The following CAMK4 variants were observed in gnomAD, a reference collection of about 807,000 sequenced individuals.
CAMK4 encodes calcium/calmodulin-dependent protein kinase type IV.
Under a neutral mutation model 44.9 loss-of-function variants are expected in CAMK4, and 22 were observed. The observed-to-expected ratio is 0.49, with a 90% confidence interval of 0.35 to 0.70. CAMK4 has a LOEUF of 0.70. Among genes scored for constraint, CAMK4 ranks in the 30% least tolerant of loss-of-function variants. The probability of loss-of-function intolerance (pLI) is 0.01; values close to 1 mark genes in which losing one functional copy is unlikely to be tolerated. For synonymous variants in CAMK4, 218 were observed against 215.4 expected, an observed-to-expected ratio of 1.01 and a Z score of -0.11; for missense variants, 498 against 586.8, an observed-to-expected ratio of 0.85 and a Z score of 1.56.
At chr5:111,414,693 A>G (rs2112902694) in intron 5 of CAMK4, among the ~76,000 whole-genome samples, 1 of 152,358 alleles carries the variant, frequency 6.6e-6, no homozygotes, top group East Asian at 1.9e-4. Flanking sequence ...TCAAATAAAA[A>G]GTATTTTAAA....
chr5:111,365,604 GC>G, intron 2 of CAMK4, among the ~76,000 whole-genome samples: 1 of 152,168 alleles, frequency 6.6e-6, no homozygotes, highest in South Asian at 2.1e-4. Flanking sequence ...TTTCAAAGGA[GC>G]TGGGATTTTG....
intron 1 of CAMK4, among the ~76,000 whole-genome samples, chr5:111,309,587 C>T (rs1321551340): frequency 2.0e-5 from 3 of 152,116 alleles, no homozygotes; most frequent in Non-Finnish European, 2.9e-5. Flanking sequence ...CATTTTACTG[C>T]CTGCTTAGTC....
At chr5:111,458,253 G>T (rs964253840) in intron 7 of CAMK4, among the ~76,000 whole-genome samples, 5 of 152,212 alleles carry the variant, frequency 3.3e-5, no homozygotes, top group African/African-American at 1.2e-4. Flanking sequence ...AGGGTGGCGA[G>T]GAAGGGTCAT....
intron 1 of CAMK4, among the ~76,000 whole-genome samples, chr5:111,334,714 C>G (rs1161891899): frequency 6.6e-6 from 1 of 151,476 alleles, no homozygotes; most frequent in African/African-American, 2.4e-5. Flanking sequence ...TAAATCACAG[C>G]TTTGCTTTTA....
chr5:111,259,391 T>G (rs1749883668), intron 1 of CAMK4, among the ~76,000 whole-genome samples: 1 of 152,184 alleles, frequency 6.6e-6, no homozygotes, highest in East Asian at 1.9e-4. Context: ...GTAATTTGAT[T>G]TGAAGTATAG....
chr5:111,339,841 T>C (rs910269505), intron 1 of CAMK4, among the ~76,000 whole-genome samples: 3 of 151,382 alleles, frequency 2.0e-5, no homozygotes, highest in African/African-American at 7.3e-5. Flanking sequence ...CAATATTAAT[T>C]CTTTCAATCC....
rs938331774 is a variant in CAMK4, at chr5:111,486,003, A to G, written c.*1537A>G. ...TTTTCAGAGACCAAATAAAGACAATAAAAATGACTATCACATAAAAATCCT... is the reference window on the plus strand; with the variant it reads ...TTTTCAGAGACCAAATAAAGACAATGAAAATGACTATCACATAAAAATCCT... On this transcript the variant is annotated 3_prime_UTR_variant, in exon 11 of 11. Transcript: ENST00000282356. 1 of 152,240 alleles carries G rather than the reference A, an allele frequency of 6.6e-6. No individual in the cohort carries two copies. Among genetic ancestry groups the G allele is most frequent in the African/African-American group, 2.4e-5 (1 of 41,470 alleles). The allele number at this position is 152,240 out of a possible 1,614,324, so 9.4% of individuals were successfully genotyped here.
chr5:111,338,504 A>G (rs1749504292), intron 1 of CAMK4, among the ~76,000 whole-genome samples: 1 of 151,224 alleles, frequency 6.6e-6, no homozygotes, highest in South Asian at 2.1e-4. Flanking sequence ...TTTTTGTTGC[A>G]ACTTCTTTTG....
intron 7 of CAMK4, among the ~76,000 whole-genome samples, chr5:111,465,441 A>G (rs187546045): frequency 5.1e-4 from 77 of 152,298 alleles, no homozygotes; most frequent in Non-Finnish European, 7.8e-4. Context: ...ATAATAATTA[A>G]AAAAGATAAC....
At chr5:111,419,297 T>A (rs1461753098) in intron 5 of CAMK4, among the ~76,000 whole-genome samples, 1 of 152,232 alleles carries the variant, frequency 6.6e-6, no homozygotes, top group Non-Finnish European at 1.5e-5. Flanking sequence ...GTTGTTTGTT[T>A]TTTTCTTGTA....
In CAMK4 at chr5:111,459,391, C is replaced by G. The variant is rs377156494; in HGVS notation, c.625+10188C>G. ...CTTGGTTTGGGAGTGTTCACAAAAG[C>G]TGATTGACTCATCACTCAGGATCCA... On this transcript the variant is annotated intron_variant, in intron 7 of 10. Coordinates refer to ENST00000282356, the MANE Select transcript of CAMK4 (RefSeq NM_001744.6). Among the ~76,000 whole-genome samples, 31 of 152,224 alleles carry G rather than the reference C, an allele frequency of 2.0e-4. No individual in the cohort carries two copies. The South Asian group carries it at 6.0e-3, about 30-fold the overall frequency.
chr5:111,327,313 C>A (rs1201840310), intron 1 of CAMK4, among the ~76,000 whole-genome samples: 28 of 151,018 alleles, frequency 1.9e-4, no homozygotes, highest in African/African-American at 6.1e-4. Context: ...CCAGTTTCAT[C>A]CATGTCCCTG....
intron 1 of CAMK4, among the ~76,000 whole-genome samples, chr5:111,253,959 G>A (rs1172664421): frequency 6.6e-6 from 1 of 152,020 alleles, no homozygotes; most frequent in Non-Finnish European, 1.5e-5. Flanking sequence ...TTATATATAA[G>A]CATTTTCTTT....
chr5:111,330,220 A>G (rs1056914019), intron 1 of CAMK4, among the ~76,000 whole-genome samples: 2 of 151,586 alleles, frequency 1.3e-5, no homozygotes, highest in African/African-American at 2.4e-5. Flanking sequence ...AACACCCATA[A>G]AAGAAAATTC....
intron 2 of CAMK4, among the ~76,000 whole-genome samples, chr5:111,360,403 A>G (rs1249002817): frequency 6.6e-6 from 1 of 152,090 alleles, no homozygotes; most frequent in Non-Finnish European, 1.5e-5. Context: ...ATCTACAGCT[A>G]CAGATGACTA....
In CAMK4 at chr5:111,449,316, T is replaced by G. The variant is rs1249569347; in HGVS notation, c.625+113T>G. 4 of 538,192 alleles carry G rather than the reference T, an allele frequency of 7.4e-6. No homozygotes were observed. The East Asian group carries it at 9.6e-5, about 13-fold the overall frequency. The allele number at this position is 538,192 out of a possible 1,614,324, so 33.3% of individuals were successfully genotyped here. A position where few individuals can be genotyped will look rare whatever the true frequency, so the allele number is the denominator to read the frequency against. The stretch of plus-strand genomic sequence containing the variant: ...TTTCTATTTATAAATGCTTAAAATT[T>G]GTTGCAAATCTCTATGAGGAAGGCA... On this transcript the variant is annotated intron_variant, in intron 7 of 10. Transcript: ENST00000282356.
intron 7 of CAMK4, among the ~76,000 whole-genome samples, chr5:111,471,073 G>A (rs550508377): frequency 1.4e-4 from 21 of 152,266 alleles, no homozygotes; most frequent in African/African-American, 5.1e-4. Flanking sequence ...TTATACTGTT[G>A]AAGCCATGTT....
At chr5:111,406,821 A>G (rs1752451567) in intron 5 of CAMK4, among the ~76,000 whole-genome samples, 1 of 152,210 alleles carries the variant, frequency 6.6e-6, no homozygotes, top group Non-Finnish European at 1.5e-5. Context: ...CAGGATTAAG[A>G]TGAGTGTCTT....
At chr5:111,269,148 C>T (rs1475263517) in intron 1 of CAMK4, among the ~76,000 whole-genome samples, 1 of 152,190 alleles carries the variant, frequency 6.6e-6, no homozygotes, top group African/African-American at 2.4e-5. Flanking sequence ...ACATGCCCAT[C>T]ATGTACGTAT....
Sources: allele counts gnomAD v4.1 joint callset (sites outside exome capture counted in the v4.1 genomes callset), GRCh38; gene constraint gnomAD v4.1.1; transcripts MANE v1.5; gene names NCBI Gene and HGNC (gene_info 2026-07-23, HGNC 2026-07-21).